Variants in RAF1 observed in about 807,000 individuals in gnomAD.
RAF1 encodes Raf-1 proto-oncogene, serine/threonine kinase.
RAF1 carries 27 observed loss-of-function variants against 81.1 expected under a neutral mutation model. The ratio of observed to expected loss-of-function variants is 0.33; its 90% CI spans 0.25 to 0.46. The LOEUF is 0.46. Among genes scored for constraint, RAF1 ranks in the 20% least tolerant of loss-of-function variants. The probability of loss-of-function intolerance (pLI) is 1.00; values close to 1 mark genes in which losing one functional copy is unlikely to be tolerated. For missense variants in RAF1, 598 were observed against 826.0 expected, an observed-to-expected ratio of 0.72 and a Z score of 3.38; for synonymous variants, 298 against 294.0, an observed-to-expected ratio of 1.01 and a Z score of -0.14.
chr3:12,585,405 CACTGGTTAAAACAGCTCAGGA>C (rs2058300386), intron 15 of RAF1, 152 bp from the exon 15 acceptor site: 1 of 1,531,350 alleles, frequency 6.5e-7, no homozygotes, highest in Admixed American at 2.0e-5. Context: ...CCAACTCAGG[CACTGGTTAAAACAGCTCAGGA>C]ATCCTTGTCT....
chr3:12,649,466 A>C (rs1313558766), intron 1 of RAF1, among the ~76,000 whole-genome samples: 2 of 151,962 alleles, frequency 1.3e-5, no homozygotes, highest in Non-Finnish European at 2.9e-5. Context: ...GGGCATGGTG[A>C]CACATGCCTC....
At chr3:12,641,785 C>T (rs557080647) in intron 1 of RAF1, among the ~76,000 whole-genome samples, 4 of 152,040 alleles carry the variant, frequency 2.6e-5, no homozygotes, top group Non-Finnish European at 5.9e-5. Context: ...AACCACCGTA[C>T]CCGGCCCCAA....
intron 1 of RAF1, among the ~76,000 whole-genome samples, chr3:12,660,324 T>C (rs1430359108): frequency 6.6e-6 from 1 of 151,556 alleles, no homozygotes; most frequent in East Asian, 1.9e-4. Flanking sequence ...TGAGACAGGG[T>C]CTCACTCCAT....
chr3:12,625,433 T>C (rs1376489402), intron 1 of RAF1, among the ~76,000 whole-genome samples: 1 of 152,216 alleles, frequency 6.6e-6, no homozygotes, highest in African/African-American at 2.4e-5. Context: ...ATTTGAAGTA[T>C]TCTACTCTCA....
intron 1 of RAF1, among the ~76,000 whole-genome samples, chr3:12,661,293 A>G (rs2060869497): frequency 6.6e-6 from 1 of 152,222 alleles, no homozygotes; most frequent in Non-Finnish European, 1.5e-5. Flanking sequence ...GTCAATACAA[A>G]TAAATAGTTT....
intron 5 of RAF1, 86 bp from the exon 6 acceptor site, chr3:12,606,385 A>C (rs2059030700): frequency 1.1e-6 from 1 of 949,236 alleles, no homozygotes; most frequent in Admixed American, 2.0e-5. Context: ...GCAAACTCAG[A>C]GCTACTAAAA....
intron 1 of RAF1, among the ~76,000 whole-genome samples, chr3:12,636,757 A>C (rs1406915898): frequency 3.9e-5 from 6 of 152,070 alleles, no homozygotes; most frequent in African/African-American, 1.4e-4. Context: ...CTGTGAGCTA[A>C]GATCATGCCA....
rs973506309 is a variant in RAF1 at position 12,653,316 on chromosome 3, C to G, written c.-27+10497G>C. On this transcript the variant is annotated intron_variant, in intron 1 of 17. Transcript: ENST00000442415. ...CAAACCTGTTGTACAAACTATATTA[C>G]TACAGTAATTTCATAGCCACCTCTT... Among the ~76,000 whole-genome samples, 4 of 152,100 alleles carry G rather than the reference C, an allele frequency of 2.6e-5. No individual in the cohort carries two copies. In the South Asian group the frequency reaches 8.3e-4, roughly 32 times the overall value.
intron 13 of RAF1, chr3:12,589,514 T>G (rs1424634830): frequency 6.6e-6 from 1 of 152,158 alleles, no homozygotes; most frequent in East Asian, 1.9e-4. Flanking sequence ...TGAGAAGCAC[T>G]ACCCTAGGCT....
intron 1 of RAF1, among the ~76,000 whole-genome samples, chr3:12,628,080 T>C (rs2059757647): frequency 6.6e-6 from 1 of 152,222 alleles, no homozygotes; most frequent in Non-Finnish European, 1.5e-5. Context: ...CTGCACTTCA[T>C]TCAGCCTGGG....
chr3:12,605,859 A>G (rs776077809), intron 6 of RAF1, among the ~76,000 whole-genome samples: 29 of 152,242 alleles, frequency 1.9e-4, no homozygotes, highest in Non-Finnish European at 7.3e-5. Context: ...TTATCAAATC[A>G]CTGTATTAAG....
chr3:12,600,865 T>C (rs2058841417), intron 8 of RAF1, among the ~76,000 whole-genome samples: 1 of 152,208 alleles, frequency 6.6e-6, no homozygotes, highest in Non-Finnish European at 1.5e-5. Context: ...CCAAGCCTGG[T>C]ATTAGTTTTT....
At chr3:12,649,847 G>C (rs950638462) in intron 1 of RAF1, among the ~76,000 whole-genome samples, 2 of 151,724 alleles carry the variant, frequency 1.3e-5, no homozygotes, top group African/African-American at 4.8e-5. Context: ...CAAAAAAATT[G>C]TTTTTAATTA....
At chr3:12,589,700 G>A (rs1421597898) in intron 13 of RAF1, 2 of 152,152 alleles carry the variant, frequency 1.3e-5, no homozygotes, top group Non-Finnish European at 2.9e-5. Flanking sequence ...AGGAGTTCAA[G>A]GATGCAGTGA....
chr3:12,655,346 A>G (rs546417786), intron 1 of RAF1, among the ~76,000 whole-genome samples: 1 of 152,352 alleles, frequency 6.6e-6, no homozygotes, highest in African/African-American at 2.4e-5. Flanking sequence ...TCGGCCTCCC[A>G]AAGTGCTGGG....
At chr3:12,609,983 G>A (rs188745690) in intron 3 of RAF1, among the ~76,000 whole-genome samples, 2 of 152,276 alleles carry the variant, frequency 1.3e-5, no homozygotes, top group African/African-American at 2.4e-5. Context: ...AATGAAAAAT[G>A]TACTTTTCTA....
chr3:12,657,353 G>A (rs191074922), intron 1 of RAF1, among the ~76,000 whole-genome samples: 2 of 152,218 alleles, frequency 1.3e-5, no homozygotes, highest in East Asian at 3.9e-4. Flanking sequence ...AAGGAAGCTG[G>A]GTAGCTAGAG....
chr3:12,609,036 T>G, intron 4 of RAF1, 113 bp from the exon 5 acceptor site: 1 of 1,238,546 alleles, frequency 8.1e-7, no homozygotes, highest in Non-Finnish European at 1.2e-6. Context: ...ACTTCCAGCA[T>G]GTACAGAATT....
chr3:12,643,963 T>C (rs1185816909), intron 1 of RAF1, among the ~76,000 whole-genome samples: 4 of 152,190 alleles, frequency 2.6e-5, no homozygotes, highest in Non-Finnish European at 5.9e-5. Flanking sequence ...CGGTGAATTG[T>C]TGCATTCAGA....
Sources: gnomAD v4.1 joint callset for allele counts (sites outside exome capture counted in the v4.1 genomes callset) on GRCh38, gnomAD v4.1.1 for gene constraint, MANE v1.5 for transcripts, NCBI Gene and HGNC (gene_info 2026-07-23, HGNC 2026-07-21) for gene names.